The following ARID5B variants were observed in gnomAD, a reference collection of about 807,000 sequenced individuals.
ARID5B encodes AT-rich interactive domain-containing protein 5B.
In ARID5B, 13 loss-of-function variants were observed where a neutral mutation model predicts 97.2. The ratio of observed to expected loss-of-function variants is 0.13; its 90% CI spans 0.09 to 0.21. The LOEUF (loss-of-function observed/expected upper bound fraction) is 0.21. Ranked by LOEUF, ARID5B falls within the 10% of genes least tolerant of loss-of-function variation. The pLI is 1.00. For synonymous variants in ARID5B, 556 were observed against 570.3 expected (o/e 0.97, Z 0.36); for missense variants, 1,210 against 1,465.3 (o/e 0.83, Z 2.84).
At position 62,096,659 on chromosome 10, in the gene ARID5B, T is replaced by C. The variant is rs1304313379; in HGVS notation, c.*3629T>C. The C allele has an allele frequency of 8.6e-6, 2 of 233,502 alleles. No homozygotes were observed. The highest frequency in any genetic ancestry group is 1.1e-4 in the Admixed American group (2 of 17,792). The allele number at this position is 233,502 out of a possible 1,614,324, so 14.5% of individuals were successfully genotyped here. ...TTGGTGATTCCAGCTATGTAACCTC[T>C]ATGCTCTGTAAGGTGATTATTTGTA... On this transcript the variant is annotated 3_prime_UTR_variant, in exon 10 of 10. Transcript: ENST00000279873.
chr10:62,012,426 A>T (rs981671479), intron 4 of ARID5B, among the ~76,000 whole-genome samples: 3 of 152,216 alleles, frequency 2.0e-5, no homozygotes, highest in Admixed American at 1.3e-4. Context: ...CAGGAGGCTG[A>T]CGTGGGAGGA....
intron 3 of ARID5B, among the ~76,000 whole-genome samples, chr10:61,989,007 G>A (rs189556452): frequency 3.0e-4 from 39 of 132,032 alleles, no homozygotes; most frequent in Non-Finnish European, 5.4e-4. Flanking sequence ...TCGGCTCACC[G>A]CAACCTCTGC....
intron 7 of ARID5B, among the ~76,000 whole-genome samples, chr10:62,066,534 T>C (rs565568494): frequency 5.9e-5 from 9 of 152,262 alleles, no homozygotes; most frequent in African/African-American, 1.9e-4. Flanking sequence ...GTAAAAACTG[T>C]ATTTAAACAC....
chr10:62,069,860 C>G (rs1400068022), intron 8 of ARID5B, 63 bp downstream of exon 8: 1 of 1,526,534 alleles, frequency 6.6e-7, no homozygotes, highest in East Asian at 2.3e-5. Context: ...AGCTTCTGGT[C>G]AAGGATAAGA....
intron 4 of ARID5B, among the ~76,000 whole-genome samples, chr10:62,033,828 G>A (rs1839527219): frequency 6.6e-6 from 1 of 152,138 alleles, no homozygotes; most frequent in Non-Finnish European, 1.5e-5. Context: ...TAATTCTCTT[G>A]ACGAACGGTT....
At chr10:62,011,210 A>G (rs17287962) in intron 4 of ARID5B, among the ~76,000 whole-genome samples, 2,739 of 152,310 alleles carry the variant, frequency 0.018, 37 homozygotes, top group Non-Finnish European at 0.028. Context: ...CATGAATATT[A>G]TATCTTTGAA....
At chr10:62,027,402 G>A (rs1281134926) in intron 4 of ARID5B, among the ~76,000 whole-genome samples, 3 of 139,894 alleles carry the variant, frequency 2.1e-5, no homozygotes, top group Non-Finnish European at 3.0e-5. Context: ...TCCATCTCTC[G>A]GGTTCAAGCG....
At chr10:61,977,270 G>T (rs1838713577) in intron 3 of ARID5B, among the ~76,000 whole-genome samples, 1 of 152,172 alleles carries the variant, frequency 6.6e-6, no homozygotes, top group Admixed American at 6.5e-5. Context: ...ATGGACATTT[G>T]GGTTGGTTCC....
At chr10:62,045,834 C>A (rs1426258284) in intron 4 of ARID5B, among the ~76,000 whole-genome samples, 1 of 152,196 alleles carries the variant, frequency 6.6e-6, no homozygotes, top group Admixed American at 6.5e-5. Context: ...ATACATAGAA[C>A]AATGTTTGTC....
intron 3 of ARID5B, among the ~76,000 whole-genome samples, chr10:61,964,944 T>G (rs757978255): frequency 6.6e-6 from 1 of 152,212 alleles, no homozygotes; most frequent in Non-Finnish European, 1.5e-5. Flanking sequence ...GAAGAAAAAT[T>G]TATGCTGCCG....
At chr10:61,964,824 T>A (rs1453386133) in intron 3 of ARID5B, among the ~76,000 whole-genome samples, 3 of 152,364 alleles carry the variant, frequency 2.0e-5, no homozygotes, top group Non-Finnish European at 4.4e-5. Flanking sequence ...TATTATGTTT[T>A]AAATTTTTCA....
intron 4 of ARID5B, among the ~76,000 whole-genome samples, chr10:62,008,031 C>T (rs575347450): frequency 1.4e-5 from 2 of 146,064 alleles, no homozygotes; most frequent in African/African-American, 2.6e-5. Flanking sequence ...CAGTCTGTCC[C>T]GCCCCCTCCA....
At chr10:62,065,387 C>T (rs977987946) in intron 7 of ARID5B, among the ~76,000 whole-genome samples, 1 of 152,194 alleles carries the variant, frequency 6.6e-6, no homozygotes, top group East Asian at 1.9e-4. Flanking sequence ...TACCCTCCCT[C>T]CCTTCCTTCC....
chr10:61,960,980 A>G (rs529407361), intron 3 of ARID5B, among the ~76,000 whole-genome samples: 5 of 152,368 alleles, frequency 3.3e-5, no homozygotes, highest in African/African-American at 1.2e-4. Context: ...TGATAGGGAT[A>G]CTGTAGGATT....
At chr10:61,966,091 T>A (rs553033818) in intron 3 of ARID5B, among the ~76,000 whole-genome samples, 1 of 152,302 alleles carries the variant, frequency 6.6e-6, no homozygotes, top group Admixed American at 6.5e-5. Context: ...TCAGCCATAG[T>A]CCCACTATGC....
At chr10:62,004,667 A>G (rs981612194) in intron 4 of ARID5B, among the ~76,000 whole-genome samples, 3 of 152,198 alleles carry the variant, frequency 2.0e-5, no homozygotes, top group African/African-American at 4.8e-5. Flanking sequence ...ATATTGTGTT[A>G]TTTCCTATGC....
intron 3 of ARID5B, among the ~76,000 whole-genome samples, chr10:61,959,326 A>C (rs1323812706): frequency 6.6e-6 from 1 of 152,194 alleles, no homozygotes; most frequent in Non-Finnish European, 1.5e-5. Context: ...GGCTGAATAA[A>C]ACTTCTGTCA....
intron 5 of ARID5B, among the ~76,000 whole-genome samples, chr10:62,053,792 A>G (rs1197302988): frequency 6.6e-6 from 1 of 152,262 alleles, no homozygotes; most frequent in Non-Finnish European, 1.5e-5. Flanking sequence ...CATTTAAACC[A>G]TAAACATACT....
At chr10:62,070,179 A>G (rs926350134) in intron 8 of ARID5B, among the ~76,000 whole-genome samples, 6 of 152,248 alleles carry the variant, frequency 3.9e-5, no homozygotes, top group African/African-American at 1.2e-4. Flanking sequence ...TCATAATATT[A>G]GCATTGAAAA....
Sources: gnomAD v4.1 joint callset for allele counts (sites outside exome capture counted in the v4.1 genomes callset) on GRCh38, gnomAD v4.1.1 for gene constraint, MANE v1.5 for transcripts, NCBI Gene and HGNC (gene_info 2026-07-23, HGNC 2026-07-21) for gene names.